The following GPHN variants were observed in gnomAD, a reference collection of about 807,000 sequenced individuals.
The protein encoded by GPHN is gephyrin.
In GPHN, 17 loss-of-function variants were observed where a neutral mutation model predicts 95.5. That is an observed-to-expected ratio of 0.18 (90% CI 0.12 to 0.27). The LOEUF is 0.27. Among genes scored for constraint, GPHN ranks in the 10% least tolerant of loss-of-function variants. GPHN has a pLI of 1.00. For missense variants in GPHN, 660 were observed against 978.1 expected, an observed-to-expected ratio of 0.67 and a Z score of 4.34; for synonymous variants, 320 against 322.5, an observed-to-expected ratio of 0.99 and a Z score of 0.08.
chr14:67,564,522 A>G, the GPHN span, among the ~76,000 whole-genome samples: 1 of 152,062 alleles, frequency 6.6e-6, no homozygotes, highest in East Asian at 1.9e-4. Flanking sequence ...CAGTGGCGCA[A>G]TATTGGCTCA....
At chr14:67,522,241 A>G in the GPHN span, among the ~76,000 whole-genome samples, 1 of 152,184 alleles carries the variant, frequency 6.6e-6, no homozygotes, top group Non-Finnish European at 1.5e-5. Flanking sequence ...CATTCCACAC[A>G]TATCCCCGTA....
At chr14:66,522,213 A>G (rs1346997997) in intron 1 of GPHN, among the ~76,000 whole-genome samples, 2 of 152,182 alleles carry the variant, frequency 1.3e-5, no homozygotes, top group East Asian at 1.9e-4. Context: ...TTAGAATAGT[A>G]ATACACACAT....
the GPHN span, among the ~76,000 whole-genome samples, chr14:67,326,455 G>A: frequency 1.4e-3 from 212 of 151,842 alleles, no homozygotes; most frequent in African/African-American, 4.3e-3. Flanking sequence ...TTTCTAATTA[G>A]AACTTTCTGA....
intron 1 of GPHN, among the ~76,000 whole-genome samples, chr14:66,598,055 CTTA>C (rs1403935891): frequency 1.3e-5 from 2 of 152,148 alleles, no homozygotes; most frequent in Non-Finnish European, 2.9e-5. Flanking sequence ...CATGATCTTA[CTTA>C]TTATAAGTGT....
At chr14:67,036,501 G>GCACGCACA (rs1555469786) in intron 10 of GPHN, among the ~76,000 whole-genome samples, 3 of 118,148 alleles carry the variant, frequency 2.5e-5, no homozygotes, top group African/African-American at 1.2e-4. Flanking sequence ...ATACATACAT[G>GCACGCACA]CACACACACA....
At chr14:67,127,074 T>C (rs1303967271) in intron 17 of GPHN, among the ~76,000 whole-genome samples, 1 of 123,938 alleles carries the variant, frequency 8.1e-6, no homozygotes, top group Non-Finnish European at 1.6e-5. Flanking sequence ...GGAAGGGGAA[T>C]ATCACACTCT....
chr14:67,015,666 G>A (rs1053746416), intron 9 of GPHN, among the ~76,000 whole-genome samples: 11 of 151,966 alleles, frequency 7.2e-5, no homozygotes, highest in Non-Finnish European at 1.0e-4. Flanking sequence ...CACTCCACTC[G>A]AGCCTGGTGA....
At chr14:67,702,661 T>C in the GPHN span, among the ~76,000 whole-genome samples, 13 of 152,230 alleles carry the variant, frequency 8.5e-5, no homozygotes, top group Non-Finnish European at 1.5e-4. Flanking sequence ...CATGTGAACT[T>C]GGAAAACCTT....
the GPHN span, among the ~76,000 whole-genome samples, chr14:67,409,431 G>A: frequency 6.6e-6 from 1 of 152,174 alleles, no homozygotes; most frequent in African/African-American, 2.4e-5. Context: ...CTTTTACAGA[G>A]CTTTACAAAA....
In GPHN at chr14:66,661,276, G is replaced by A. The variant is rs534478767; in HGVS notation, c.65-19831G>A. Among the ~76,000 whole-genome samples, 18 of 152,290 alleles carry A rather than the reference G, an allele frequency of 1.2e-4. 1 individual carries two copies. The South Asian group carries it at 2.7e-3, about 23-fold the overall frequency. ...CCTGGGACAAAACAGAGTTGCTGGC[G>A]GGAGGGGCAGACTACCATCTTTGCT... On this transcript the variant is annotated intron_variant, in intron 1 of 22. Transcript: ENST00000478722.
chr14:67,076,470 A>G (rs1001199160), intron 11 of GPHN, among the ~76,000 whole-genome samples: 4 of 152,140 alleles, frequency 2.6e-5, no homozygotes, highest in South Asian at 2.1e-4. Context: ...AGTTTTTTTA[A>G]TGATGTAGAG....
At chr14:67,631,539 G>A in the GPHN span, among the ~76,000 whole-genome samples, 3 of 146,738 alleles carry the variant, frequency 2.0e-5, no homozygotes, top group Non-Finnish European at 4.5e-5. Context: ...AGGTTCAAAC[G>A]ATCCTCCTAC....
intron 8 of GPHN, among the ~76,000 whole-genome samples, chr14:66,955,501 C>A (rs1197677777): frequency 6.6e-6 from 1 of 152,012 alleles, no homozygotes; most frequent in Admixed American, 6.6e-5. Flanking sequence ...TAATTTGAAT[C>A]TTTTTCTCTT....
chr14:67,511,223 T>C, the GPHN span, among the ~76,000 whole-genome samples: 7 of 152,294 alleles, frequency 4.6e-5, no homozygotes, highest in African/African-American at 1.4e-4. Flanking sequence ...CAGAAGTGGA[T>C]AATCCAGTAT....
Position 66,913,018 on chromosome 14 carries a change from C to T in GPHN, c.390-2985C>T, listed in dbSNP as rs78507163. ...TTGTTAAGATACAGATTACTGGACC[C>T]CACCCTCATAGTTTTTTATCCAATA... On this transcript the variant is annotated intron_variant, in intron 5 of 22. Transcript: ENST00000478722. 3.6e-3 allele frequency among the ~76,000 whole-genome samples: 551 copies of T among 152,200 alleles called. 12 individuals are homozygous for T. The highest frequency in any genetic ancestry group is 0.013 in the African/African-American group (525 of 41,530).
rs143245428 is a variant in GPHN, at chr14:67,167,069, A to G, written c.1975+1843A>G. Reference sequence around the variant, plus strand: ...GACAAGTTTTAAATCAAAGTTTTGTATATTTACTTGTTTTTTTGGACATTT... The same window carrying G: ...GACAAGTTTTAAATCAAAGTTTTGTGTATTTACTTGTTTTTTTGGACATTT... On this transcript the variant is annotated intron_variant, in intron 20 of 22. Transcript: ENST00000478722. Among the ~76,000 whole-genome samples the G allele has an allele frequency of 2.9e-4, 44 of 152,348 alleles. No homozygotes were observed. The East Asian group carries it at 8.3e-3, about 29-fold the overall frequency.
At chr14:67,237,536 T>G in the GPHN span, among the ~76,000 whole-genome samples, 2 of 152,138 alleles carry the variant, frequency 1.3e-5, no homozygotes, top group South Asian at 2.1e-4. Flanking sequence ...TTGCCCAGGT[T>G]GGACTTGAAT....
chr14:66,587,330 G>A (rs955375615), intron 1 of GPHN, among the ~76,000 whole-genome samples: 1 of 152,150 alleles, frequency 6.6e-6, no homozygotes, highest in African/African-American at 2.4e-5. Flanking sequence ...CAATGCTTCT[G>A]AAATTCTTCC....
intron 5 of GPHN, among the ~76,000 whole-genome samples, chr14:66,892,741 T>C (rs1210475472): frequency 6.6e-6 from 1 of 152,176 alleles, no homozygotes; most frequent in African/African-American, 2.4e-5. Flanking sequence ...AGAACAGTGC[T>C]TATGAGTGGA....
Sources: allele counts gnomAD v4.1 joint callset (sites outside exome capture counted in the v4.1 genomes callset), GRCh38; gene constraint gnomAD v4.1.1; transcripts MANE v1.5; gene names NCBI Gene and HGNC (gene_info 2026-07-23, HGNC 2026-07-21).